ADD3: variants seen among roughly 807,000 people sequenced by gnomAD.
ADD3 encodes adducin 3.
A neutral mutation model predicts 80.2 loss-of-function variants in ADD3; 25 were observed. The ratio of observed to expected loss-of-function variants is 0.31; its 90% CI spans 0.23 to 0.44. The LOEUF (loss-of-function observed/expected upper bound fraction) is 0.44, where lower values mean the gene tolerates loss of function less well. Among genes scored for constraint, ADD3 ranks in the 20% least tolerant of loss-of-function variants. ADD3 has a pLI of 1.00. For synonymous variants in ADD3, 284 were observed against 289.6 expected, an observed-to-expected ratio of 0.98 and a Z score of 0.20; for missense variants, 829 against 847.5, an observed-to-expected ratio of 0.98 and a Z score of 0.27.
chr10:110,041,664 C>A (rs768326795), intron 1 of ADD3, among the ~76,000 whole-genome samples: 2 of 152,120 alleles, frequency 1.3e-5, no homozygotes, highest in Admixed American at 6.5e-5. Flanking sequence ...CTCTGTCATA[C>A]AAGAAATGCA....
At chr10:110,068,970 G>A (rs1888296) in intron 1 of ADD3, among the ~76,000 whole-genome samples, 18,855 of 151,972 alleles carry the variant, frequency 0.12, 3,742 homozygotes, top group African/African-American at 0.42. Flanking sequence ...CCAGCTACTT[G>A]GGAGGCTGAG....
chr10:110,054,802 G>C (rs573306092), intron 1 of ADD3, among the ~76,000 whole-genome samples: 2 of 151,952 alleles, frequency 1.3e-5, no homozygotes, highest in Non-Finnish European at 2.9e-5. Context: ...TTTTAGTAGA[G>C]ACAGGGTTTC....
At chr10:110,074,895 G>A (rs569350796) in intron 1 of ADD3, among the ~76,000 whole-genome samples, 1 of 152,284 alleles carries the variant, frequency 6.6e-6, no homozygotes, top group African/African-American at 2.4e-5. Context: ...GAGGAGGCGG[G>A]AGGGAAGGAG....
intron 9 of ADD3, among the ~76,000 whole-genome samples, chr10:110,123,372 A>C (rs886979433): frequency 1.2e-4 from 18 of 151,976 alleles, no homozygotes; most frequent in Non-Finnish European, 2.1e-4. Flanking sequence ...ACATTCTAAC[A>C]CTTGTTGTCT....
At chr10:110,036,434 C>T (rs1023032823) in intron 1 of ADD3, among the ~76,000 whole-genome samples, 2 of 135,074 alleles carry the variant, frequency 1.5e-5, no homozygotes, top group African/African-American at 2.9e-5. Context: ...GGCTGGAGTG[C>T]AGTGGCGTGG....
chr10:110,113,249 A>G (rs991331509), intron 3 of ADD3, among the ~76,000 whole-genome samples: 3 of 151,774 alleles, frequency 2.0e-5, no homozygotes, highest in Non-Finnish European at 4.4e-5. Flanking sequence ...CCTTGTCTCT[A>G]TTTTTGTTTT....
intron 1 of ADD3, among the ~76,000 whole-genome samples, chr10:110,038,020 A>G (rs9733447): frequency 0.13 from 19,780 of 149,796 alleles, 4,297 homozygotes; most frequent in African/African-American, 0.46. Context: ...GGTGAGCCGA[A>G]ATGGTGCCAT....
rs749097779 is a variant in ADD3 at position 110,112,817 on chromosome 10, T to C, written c.236T>C (p.Met79Thr). 8.7e-6 allele frequency: 14 copies of C among 1,614,094 alleles called. 1 individual carries two copies. Among genetic ancestry groups the C allele is most frequent in the Non-Finnish European group, 1.2e-5 (14 of 1,179,992 alleles). The change falls in exon 3 of 15, where the codon ATG becomes ACG. Residue 79 changes from methionine (M) to threonine (T), a missense_variant. Transcript: ENST00000356080. ...EDLECLIQEQ[M>T]KKGHNPTGLL... ...TTGGAATGCCTTATTCAAGAACAGA[T>C]GAAGAAAGGCCACAACCCAACTGGA...
At chr10:110,034,641 C>G (rs908068387) in intron 1 of ADD3, among the ~76,000 whole-genome samples, 3 of 152,054 alleles carry the variant, frequency 2.0e-5, no homozygotes, top group African/African-American at 7.2e-5. Context: ...CAATCATACT[C>G]TAAAGATAAG....
intron 2 of ADD3, among the ~76,000 whole-genome samples, chr10:110,106,223 C>T (rs1319801403): frequency 6.6e-6 from 1 of 151,026 alleles, no homozygotes; most frequent in Non-Finnish European, 1.5e-5. Flanking sequence ...ATTTAAAATT[C>T]ATCTCTGATG....
intron 1 of ADD3, among the ~76,000 whole-genome samples, chr10:110,076,412 TAATA>T (rs952954467): frequency 2.6e-5 from 4 of 152,218 alleles, no homozygotes; most frequent in African/African-American, 9.6e-5. Context: ...ATGGTATGCA[TAATA>T]AATAATTTTC....
intron 1 of ADD3, among the ~76,000 whole-genome samples, chr10:110,041,884 A>AC (rs1370460791): frequency 1.3e-5 from 2 of 152,134 alleles, no homozygotes; most frequent in Admixed American, 6.5e-5. Flanking sequence ...GGGATCACAG[A>AC]CCCCCTGTAA....
chr10:110,002,374 C>T (rs982269712), upstream of ADD3, among the ~76,000 whole-genome samples: 46 of 152,018 alleles, frequency 3.0e-4, 1 homozygote, highest in Admixed American at 2.7e-3. Context: ...CCCGGGTTCA[C>T]GCCATTCTCC....
intron 1 of ADD3, among the ~76,000 whole-genome samples, chr10:110,036,725 C>T (rs966944867): frequency 6.6e-6 from 1 of 151,954 alleles, no homozygotes; most frequent in South Asian, 2.1e-4. Flanking sequence ...TACTTTCACT[C>T]TCTGAGGTAT....
At chr10:110,098,529 TCTAAA>T (rs1848436017) in intron 1 of ADD3, among the ~76,000 whole-genome samples, 2 of 152,232 alleles carry the variant, frequency 1.3e-5, no homozygotes, top group African/African-American at 4.8e-5. Flanking sequence ...AAGCCTTCTA[TCTAAA>T]CTAAGCAGAT....
chr10:110,040,270 A>G (rs980335799), intron 1 of ADD3, among the ~76,000 whole-genome samples: 1 of 152,138 alleles, frequency 6.6e-6, no homozygotes, highest in Non-Finnish European at 1.5e-5. Context: ...GAATATACTT[A>G]GTGGAACATG....
chr10:110,083,858 C>G (rs1564947691), intron 1 of ADD3, among the ~76,000 whole-genome samples: 1 of 152,186 alleles, frequency 6.6e-6, no homozygotes, highest in Non-Finnish European at 1.5e-5. Flanking sequence ...TAAAATAACA[C>G]TTTCTAGCAC....
chr10:110,012,955 C>T (rs889779565), intron 1 of ADD3, among the ~76,000 whole-genome samples: 3 of 152,046 alleles, frequency 2.0e-5, no homozygotes, highest in Non-Finnish European at 4.4e-5. Flanking sequence ...TCAGACTGAT[C>T]TGCATCAGCA....
chr10:110,052,312 G>GC (rs1857608264), intron 1 of ADD3, among the ~76,000 whole-genome samples: 1 of 152,278 alleles, frequency 6.6e-6, no homozygotes, highest in East Asian at 1.9e-4. Context: ...AATGGTCCCT[G>GC]CCAGGGGTTC....
Sources: gnomAD v4.1 joint callset for allele counts (sites outside exome capture counted in the v4.1 genomes callset) on GRCh38, gnomAD v4.1.1 for gene constraint, MANE v1.5 for transcripts, NCBI Gene and HGNC (gene_info 2026-07-23, HGNC 2026-07-21) for gene names.